SBF2: variants seen among roughly 807,000 people sequenced by gnomAD.
SBF2 encodes myotubularin-related protein 13.
SBF2 carries 112 observed loss-of-function variants against 225.2 expected under a neutral mutation model. The ratio of observed to expected loss-of-function variants is 0.50; its 90% CI spans 0.43 to 0.58. The LOEUF (loss-of-function observed/expected upper bound fraction) is 0.58. Ranked by LOEUF, SBF2 falls within the 20% of genes least tolerant of loss-of-function variation. The pLI is 0.00. For synonymous variants in SBF2, 763 were observed against 773.3 expected, an observed-to-expected ratio of 0.99 and a Z score of 0.22; for missense variants, 1,996 against 2,206.2, an observed-to-expected ratio of 0.90 and a Z score of 1.91.
intron 16 of SBF2, among the ~76,000 whole-genome samples, chr11:9,912,174 G>T (rs1345082101): frequency 4.0e-5 from 6 of 150,620 alleles, no homozygotes; most frequent in Non-Finnish European, 7.4e-5. Flanking sequence ...AATTAGCTGG[G>T]CATAGTGGCG....
At chr11:9,856,088 T>A (rs1055764049) in intron 19 of SBF2, among the ~76,000 whole-genome samples, 7 of 152,140 alleles carry the variant, frequency 4.6e-5, no homozygotes, top group African/African-American at 1.4e-4. Context: ...AGGGTATGAC[T>A]ACAAGGTTGA....
intron 1 of SBF2, among the ~76,000 whole-genome samples, chr11:10,273,078 AAAAT>A (rs1205539194): frequency 0.019 from 1,640 of 85,466 alleles, 35 homozygotes; most frequent in African/African-American, 0.053. Context: ...TCCGAAAAAA[AAAAT>A]AAATAAATAA....
intron 17 of SBF2, among the ~76,000 whole-genome samples, chr11:9,862,878 G>A (rs1857878807): frequency 6.6e-6 from 1 of 152,086 alleles, no homozygotes; most frequent in Non-Finnish European, 1.5e-5. Context: ...ATTGCACAAA[G>A]ATGAGATTTA....
chr11:10,035,147 TG>T (rs1949388386), intron 3 of SBF2, among the ~76,000 whole-genome samples: 1 of 152,020 alleles, frequency 6.6e-6, no homozygotes, highest in Non-Finnish European at 1.5e-5. Flanking sequence ...TCTTTTTTTT[TG>T]TATTTTTAGT....
At chr11:9,791,225 A>C (rs1009123118) in intron 33 of SBF2, 1 of 152,364 alleles carries the variant, frequency 6.6e-6, no homozygotes, top group African/African-American at 2.4e-5. Context: ...TAAAAATAAA[A>C]GCAGAACTTT....
intron 27 of SBF2, chr11:9,829,787 A>AT: frequency 2.6e-6 from 1 of 382,330 alleles, no homozygotes; most frequent in East Asian, 5.9e-5. Context: ...CCAAGCACAG[A>AT]TTGGGCTTGA....
At chr11:10,229,484 A>T (rs1159680767) in intron 1 of SBF2, among the ~76,000 whole-genome samples, 1 of 152,132 alleles carries the variant, frequency 6.6e-6, no homozygotes, top group Non-Finnish European at 1.5e-5. Flanking sequence ...CACTGCTTTG[A>T]ATGTGTTCCA....
At chr11:9,816,288 T>G (rs1854453398) in intron 29 of SBF2, among the ~76,000 whole-genome samples, 1 of 152,162 alleles carries the variant, frequency 6.6e-6, no homozygotes, top group Non-Finnish European at 1.5e-5. Context: ...CATCTAGTAT[T>G]TTGAATTTTC....
intron 17 of SBF2, among the ~76,000 whole-genome samples, chr11:9,868,249 C>T (rs1304012122): frequency 6.9e-6 from 1 of 144,810 alleles, no homozygotes; most frequent in East Asian, 2.1e-4. Context: ...AATCCCAGCA[C>T]TTTGGGAGGC....
At chr11:10,292,761 C>A (rs1041390195) in intron 1 of SBF2, among the ~76,000 whole-genome samples, 1 of 150,664 alleles carries the variant, frequency 6.6e-6, no homozygotes, top group African/African-American at 2.4e-5. Context: ...GGTTAAAAAA[C>A]TGATTTCCCA....
chr11:10,240,661 A>C, intron 1 of SBF2, among the ~76,000 whole-genome samples: 1 of 152,210 alleles, frequency 6.6e-6, no homozygotes, highest in South Asian at 2.1e-4. Context: ...GAAAAATTGG[A>C]GCAGTAGAAT....
chr11:9,989,639 G>T, intron 12 of SBF2, 44 bp from the exon 13 acceptor site: 2 of 1,149,516 alleles, frequency 1.7e-6, no homozygotes, highest in Non-Finnish European at 2.6e-6. Flanking sequence ...TCCAAAATAT[G>T]CCAAATTCAA....
chr11:9,859,018 A>G (rs575428398), intron 17 of SBF2, among the ~76,000 whole-genome samples: 147 of 152,320 alleles, frequency 9.7e-4, no homozygotes, highest in African/African-American at 3.4e-3. Flanking sequence ...GTGCAGGGAA[A>G]GATAAACACA....
intron 13 of SBF2, among the ~76,000 whole-genome samples, chr11:9,986,795 AC>A (rs1284785511): frequency 3.9e-5 from 6 of 152,314 alleles, no homozygotes; most frequent in African/African-American, 1.4e-4. Context: ...AAAATTACCA[AC>A]AAAAAAAAGT....
At chr11:9,908,502 C>T (rs1478049122) in intron 16 of SBF2, among the ~76,000 whole-genome samples, 3 of 152,262 alleles carry the variant, frequency 2.0e-5, no homozygotes, top group Non-Finnish European at 4.4e-5. Flanking sequence ...TGGCGGGCGC[C>T]TGTAGTCCCA....
At chr11:9,880,185 C>T (rs972276383) in intron 17 of SBF2, among the ~76,000 whole-genome samples, 1 of 149,130 alleles carries the variant, frequency 6.7e-6, no homozygotes, top group African/African-American at 2.5e-5. Flanking sequence ...CCTTACTATA[C>T]CACACAACAA....
chr11:10,123,371 A>C (rs1953572952), intron 2 of SBF2, among the ~76,000 whole-genome samples: 1 of 152,156 alleles, frequency 6.6e-6, no homozygotes, highest in Non-Finnish European at 1.5e-5. Flanking sequence ...GTATACTCTA[A>C]TCACTTGTTC....
At chr11:10,257,867 G>A (rs1209680389) in intron 1 of SBF2, among the ~76,000 whole-genome samples, 1 of 148,986 alleles carries the variant, frequency 6.7e-6, no homozygotes, top group East Asian at 2.0e-4. Context: ...AGAGGCAGGA[G>A]GACTGCTTGA....
At chr11:9,814,965 T>C (rs1321051210) in intron 29 of SBF2, among the ~76,000 whole-genome samples, 1 of 152,134 alleles carries the variant, frequency 6.6e-6, no homozygotes, top group African/African-American at 2.4e-5. Context: ...TGTTTCTTTG[T>C]TGGGAGAAAA....
Sources: allele counts gnomAD v4.1 joint callset (sites outside exome capture counted in the v4.1 genomes callset), GRCh38; gene constraint gnomAD v4.1.1; transcripts MANE v1.5; gene names NCBI Gene and HGNC (gene_info 2026-07-23, HGNC 2026-07-21).